The following CORO7 variants were observed in gnomAD, a reference collection of about 807,000 sequenced individuals.
CORO7 encodes the protein coronin-7.
CORO7 carries 107 observed loss-of-function variants against 126.6 expected under a neutral mutation model. The ratio of observed to expected loss-of-function variants is 0.85; its 90% CI spans 0.72 to 0.99. CORO7 has a LOEUF of 0.99. Among genes scored for constraint, CORO7 ranks in the 50% least tolerant of loss-of-function variants. The pLI, the probability that CORO7 is intolerant of heterozygous loss-of-function variation, is 0.00. For missense variants in CORO7, 1,314 were observed against 1,255.8 expected, an observed-to-expected ratio of 1.05 and a Z score of -0.70; for synonymous variants, 603 against 536.8, an observed-to-expected ratio of 1.12 and a Z score of -1.70.
intron 3 of CORO7, among the ~76,000 whole-genome samples, 183 bp downstream of exon 3, chr16:4,412,173 G>A (rs1346016218): frequency 6.6e-6 from 1 of 152,002 alleles, no homozygotes; most frequent in Admixed American, 6.5e-5. Context: ...CACTGCCCAG[G>A]CCGGAATTCT....
At position 4,382,486 on chromosome 16, in the gene CORO7, C is replaced by T. The variant is rs1567275024; in HGVS notation, c.785+5500G>A. On this transcript the variant is annotated intron_variant, in intron 9 of 27. Transcript: ENST00000251166. ...CGCCACTTACTCCGTCTGTGTCATG[C>T]CTTTGGGGCCCGGGCGGGTGCCGGA... 3.7e-6 allele frequency: 6 copies of T among 1,600,756 alleles called. No individual in the cohort carries two copies. The highest frequency in any genetic ancestry group is 5.1e-6 in the Non-Finnish European group (6 of 1,173,396).
intron 7 of CORO7, 67 bp downstream of exon 7, chr16:4,395,222 C>T: frequency 6.2e-7 from 1 of 1,611,026 alleles, no homozygotes; most frequent in South Asian, 1.1e-5. Context: ...CCTCCACCTG[C>T]TAGAACCACT....
chr16:4,365,647 C>T, intron 9 of CORO7, 102 bp from the exon 10 acceptor site: 1 of 1,463,432 alleles, frequency 6.8e-7, no homozygotes, highest in Non-Finnish European at 9.3e-7. Context: ...TGACTGGGAG[C>T]CGCTTGGCCA....
rs752703521 is a variant in CORO7, at chr16:4,361,287, A to T, written c.1688-39T>A. On this transcript the variant is annotated intron_variant, in intron 17 of 27. Coordinates refer to ENST00000251166, the MANE Select transcript of CORO7 (RefSeq NM_024535.5). ...ACAGGGGCTCATCATTGCTGAGCCC[A>T]AGACCTCTGGGCTCCCCAGCCCCTA... The T allele has an allele frequency of 6.3e-5, 102 of 1,611,412 alleles. 1 individual carries two copies. The highest frequency in any genetic ancestry group is 8.6e-5 in the Non-Finnish European group (101 of 1,179,230).
rs2054320467 is a variant in CORO7 at position 4,365,477 on chromosome 16, A to C, written c.840+14T>G. On this transcript the variant is annotated intron_variant, in intron 10 of 27. Transcript: ENST00000251166. ...GGCTGTGGATGTGGGTGGGAGCCCC[A>C]GCTTCTCACTCACCTTTCCTGCCAG... The C allele has an allele frequency of 6.4e-7, 1 of 1,555,830 alleles. No homozygotes were observed. Among genetic ancestry groups the C allele is most frequent in the African/African-American group, 1.4e-5 (1 of 72,720 alleles).
At chr16:4,406,605 G>C (rs1334868837) in intron 5 of CORO7, among the ~76,000 whole-genome samples, 1 of 151,022 alleles carries the variant, frequency 6.6e-6, no homozygotes, top group Non-Finnish European at 1.5e-5. Context: ...CATCCAAGAA[G>C]GTTTTTTTTT....
chr16:4,389,559 C>T (rs527777002), intron 7 of CORO7, among the ~76,000 whole-genome samples: 12 of 152,160 alleles, frequency 7.9e-5, no homozygotes, highest in Non-Finnish European at 1.6e-4. Flanking sequence ...CTGACTCCAG[C>T]GTGGGAGACC....
chr16:4,400,799 A>G (rs981102397), intron 6 of CORO7, among the ~76,000 whole-genome samples: 1 of 144,352 alleles, frequency 6.9e-6, no homozygotes, highest in East Asian at 2.0e-4. Context: ...CAGCAGTGCA[A>G]TAATAATAAT....
chr16:4,391,739 G>C (rs1367289356), intron 7 of CORO7, among the ~76,000 whole-genome samples: 1 of 152,216 alleles, frequency 6.6e-6, no homozygotes, highest in Non-Finnish European at 1.5e-5. Context: ...GCCAGCCTCA[G>C]CAAGCCTCAG....
rs371774246 is a variant in CORO7 at position 4,375,686 on chromosome 16, C to T, written c.786-10141G>A. On this transcript the variant is annotated intron_variant, in intron 9 of 27. Coordinates refer to ENST00000251166, the MANE Select transcript of CORO7 (RefSeq NM_024535.5). ...TGTATTTTTAGTAGAGACGGGGTTT[C>T]ACCATGTTAGCCAGGATGGTCTCGA... Among the ~76,000 whole-genome samples the T allele has an allele frequency of 3.3e-5, 5 of 152,220 alleles. No homozygotes were observed. The East Asian group carries it at 9.6e-4, about 29-fold the overall frequency.
At chr16:4,395,627 G>C (rs1018437495) in intron 6 of CORO7, among the ~76,000 whole-genome samples, 2 of 152,174 alleles carry the variant, frequency 1.3e-5, no homozygotes, top group African/African-American at 4.8e-5. Context: ...AGGCATCCCA[G>C]ACACTCGACC....
At position 4,395,272 on chromosome 16, in the gene CORO7, T is replaced by C; in HGVS notation, c.615+17A>G. 1 of 1,613,934 alleles carries C rather than the reference T, an allele frequency of 6.2e-7. No homozygotes were observed. Among genetic ancestry groups the C allele is most frequent in the Admixed American group, 1.7e-5 (1 of 60,002 alleles). On this transcript the variant is annotated intron_variant, in intron 7 of 27. Transcript: ENST00000251166. ...AGTGGAGGCTTCAACCCACCCCAGCTTGCCCACACAACTCACCTGAGAGGC... is the reference window on the plus strand; with the variant it reads ...AGTGGAGGCTTCAACCCACCCCAGCCTGCCCACACAACTCACCTGAGAGGC...
At position 4,381,346 on chromosome 16, in the gene CORO7, G is replaced by A. The variant is rs1274531956; in HGVS notation, c.785+6640C>T. The A allele has an allele frequency of 1.8e-5, 29 of 1,606,034 alleles. No individual in the cohort carries two copies. Among genetic ancestry groups the A allele is most frequent in the Non-Finnish European group, 2.4e-5 (28 of 1,177,252 alleles). On this transcript the variant is annotated intron_variant, in intron 9 of 27. Coordinates refer to ENST00000251166, the MANE Select transcript of CORO7 (RefSeq NM_024535.5). ...CCGCCTCCTGGAGCTCAAGCTGCAG[G>A]ACAACGAGCTGCGGGCACTGCCCCC...
chr16:4,356,285 A>C (rs1215187450), intron 26 of CORO7: 1 of 152,034 alleles, frequency 6.6e-6, no homozygotes, highest in African/African-American at 2.4e-5. Context: ...TTTTTTGTAG[A>C]GATGGGGTTT....
chr16:4,411,629 T>C (rs531334304), intron 3 of CORO7, among the ~76,000 whole-genome samples: 2 of 152,226 alleles, frequency 1.3e-5, no homozygotes, highest in African/African-American at 2.4e-5. Context: ...ATCTTTACTA[T>C]TGTTATTAAC....
Position 4,354,938 on chromosome 16 carries a change from GC to G in CORO7, c.*219del, listed in dbSNP as rs2053924962. 4.1e-6 allele frequency: 2 copies of G among 483,122 alleles called. No homozygotes were observed. The highest frequency in any genetic ancestry group is 7.2e-6 in the Non-Finnish European group (2 of 279,412). The allele number at this position is 483,122 out of a possible 1,614,324, so 29.9% of individuals were successfully genotyped here. A position where few individuals can be genotyped will look rare whatever the true frequency, so the allele number is the denominator to read the frequency against. ...TGCACCCCTGGCCACATGCTAGCGGGCAGCTGATGAGCAGCAGCTGACCCCA... is the reference window on the plus strand; with the variant it reads ...TGCACCCCTGGCCACATGCTAGCGGGAGCTGATGAGCAGCAGCTGACCCCA... On this transcript the variant is annotated 3_prime_UTR_variant, in exon 28 of 28. Coordinates refer to ENST00000251166, the MANE Select transcript of CORO7 (RefSeq NM_024535.5).
At chr16:4,413,753 G>T (rs557032172) in intron 1 of CORO7, among the ~76,000 whole-genome samples, 7 of 151,570 alleles carry the variant, frequency 4.6e-5, no homozygotes, top group African/African-American at 1.7e-4. Flanking sequence ...GGCCAGGCTG[G>T]TCTCGAACTC....
chr16:4,356,534 G>A (rs1423703799), intron 26 of CORO7: 1 of 152,500 alleles, frequency 6.6e-6, no homozygotes, highest in Non-Finnish European at 1.5e-5. Context: ...CTGGGTTCAA[G>A]TGATTCTCCT....
intron 6 of CORO7, among the ~76,000 whole-genome samples, chr16:4,396,192 G>A (rs1197089462): frequency 6.6e-6 from 1 of 152,056 alleles, no homozygotes; most frequent in African/African-American, 2.4e-5. Context: ...CGATTCTCCT[G>A]CCTTAGCCTC....
Sources: gnomAD v4.1 joint callset for allele counts (sites outside exome capture counted in the v4.1 genomes callset) on GRCh38, gnomAD v4.1.1 for gene constraint, MANE v1.5 for transcripts, NCBI Gene and HGNC (gene_info 2026-07-23, HGNC 2026-07-21) for gene names.